Variants in ABCB1 observed in about 807,000 individuals in gnomAD.
The protein encoded by ABCB1 is ATP-dependent translocase ABCB1.
ABCB1 carries 69 observed loss-of-function variants against 142.0 expected under a neutral mutation model. The ratio of observed to expected loss-of-function variants is 0.49; its 90% CI spans 0.40 to 0.59. ABCB1 has a LOEUF of 0.59. Among genes scored for constraint, ABCB1 ranks in the 20% least tolerant of loss-of-function variants. The pLI, the probability that ABCB1 is intolerant of heterozygous loss-of-function variation, is 0.00. For synonymous variants in ABCB1, 532 were observed against 539.2 expected (o/e 0.99, Z 0.18); for missense variants, 1,326 against 1,554.7 (o/e 0.85, Z 2.47).
intron 1 of ABCB1, among the ~76,000 whole-genome samples, chr7:87,612,130 T>G (rs1012153518): frequency 5.9e-5 from 9 of 152,170 alleles, no homozygotes; most frequent in African/African-American, 2.2e-4. Flanking sequence ...AGGACTGATT[T>G]GTCTGAGCTC....
chr7:87,676,283 A>C lies in ABCB1; in HGVS notation c.-331+36878T>G, dbSNP rs191029451. Reference sequence around the variant, plus strand: ...TGCAAAGCAAAGGAAACAATCCACAAAATGAAAAGGCAACTTACAGAATGA... The same window carrying C: ...TGCAAAGCAAAGGAAACAATCCACACAATGAAAAGGCAACTTACAGAATGA... On this transcript the variant is annotated intron_variant, in intron 1 of 28. Transcript: ENST00000265724. Among the ~76,000 whole-genome samples, 874 of 152,282 alleles carry C rather than the reference A, an allele frequency of 5.7e-3. 40 individuals are homozygous for C. The highest frequency in any genetic ancestry group is 0.055 in the Admixed American group (838 of 15,300).
At chr7:87,519,523 T>C (rs1815399550) in intron 22 of ABCB1, 57 bp from the exon 23 acceptor site, 3 of 1,608,778 alleles carry the variant, frequency 1.9e-6, no homozygotes, top group Admixed American at 1.7e-5. Context: ...CCTTAAAATG[T>C]AACTTTTGAT....
At chr7:87,575,590 T>C (rs1391172253) in intron 4 of ABCB1, among the ~76,000 whole-genome samples, 1 of 152,138 alleles carries the variant, frequency 6.6e-6, no homozygotes, top group African/African-American at 2.4e-5. Flanking sequence ...TAAACTACTC[T>C]TCTTGTGCAG....
chr7:87,566,132 G>A lies in ABCB1; in HGVS notation c.640C>T (p.Leu214=). The A allele has an allele frequency of 6.2e-7, 1 of 1,614,160 alleles. No homozygotes were observed. The highest frequency in any genetic ancestry group is 1.1e-5 in the South Asian group (1 of 91,086). ...FIVGFTRGWK[L]TLVILAISPV... ...CTGATGGCCAAAATCACAAGGGTTA[G>A]CTTCCAACCACGTGTAAATCCTACT... Residue 214 remains leucine (L), a synonymous_variant, in exon 7 of 28, where the codon CTA becomes TTA. Transcript: ENST00000622132.
chr7:87,532,820 G>A (rs960084324), intron 20 of ABCB1, among the ~76,000 whole-genome samples: 2 of 151,982 alleles, frequency 1.3e-5, no homozygotes, highest in African/African-American at 2.4e-5. Context: ...ATTCTTTCTT[G>A]TACAAGATCC....
intron 21 of ABCB1, among the ~76,000 whole-genome samples, chr7:87,530,692 C>T (rs1367289794): frequency 6.6e-6 from 1 of 151,484 alleles, no homozygotes; most frequent in Non-Finnish European, 1.5e-5. Context: ...AATAAATACC[C>T]CTAGCATTTT....
At chr7:87,546,175 C>T (rs1816770279) in intron 14 of ABCB1, 151 bp from the exon 15 acceptor site, 3 of 695,342 alleles carry the variant, frequency 4.3e-6, no homozygotes, top group Admixed American at 5.4e-5. Context: ...AATGTATAGA[C>T]AATTGATAAT....
intron 9 of ABCB1, among the ~76,000 whole-genome samples, chr7:87,553,541 C>G (rs549126226): frequency 6.6e-6 from 1 of 151,944 alleles, no homozygotes; most frequent in Non-Finnish European, 1.5e-5. Context: ...AGGATGGTCT[C>G]GATCTCCTGA....
At chr7:87,649,093 C>T (rs565128239) in intron 1 of ABCB1, among the ~76,000 whole-genome samples, 1 of 152,068 alleles carries the variant, frequency 6.6e-6, no homozygotes, top group East Asian at 1.9e-4. Context: ...CTTCTTGATT[C>T]CCCACTGTCT....
intron 1 of ABCB1, among the ~76,000 whole-genome samples, chr7:87,712,281 G>C (rs1830158288): frequency 6.6e-6 from 1 of 152,020 alleles, no homozygotes; most frequent in Non-Finnish European, 1.5e-5. Context: ...TAAACAGTGA[G>C]ATGATGATAA....
intron 4 of ABCB1, among the ~76,000 whole-genome samples, chr7:87,579,547 C>T (rs1211859573): frequency 6.6e-6 from 1 of 152,146 alleles, no homozygotes; most frequent in Non-Finnish European, 1.5e-5. Context: ...CCTTGCATCC[C>T]TGGGATAAAC....
chr7:87,692,862 C>A (rs1563138406), intron 1 of ABCB1, among the ~76,000 whole-genome samples: 1 of 152,090 alleles, frequency 6.6e-6, no homozygotes, highest in Non-Finnish European at 1.5e-5. Context: ...AGTTATAGAT[C>A]CTTTTGGATA....
intron 1 of ABCB1, among the ~76,000 whole-genome samples, chr7:87,675,015 C>T (rs560520961): frequency 6.6e-6 from 1 of 152,348 alleles, no homozygotes; most frequent in African/African-American, 2.4e-5. Flanking sequence ...TTTCAGGCAT[C>T]TCTCCCTGCC....
chr7:87,695,721 A>G (rs1828441114), intron 1 of ABCB1, among the ~76,000 whole-genome samples: 1 of 152,096 alleles, frequency 6.6e-6, no homozygotes, highest in African/African-American at 2.4e-5. Context: ...TTTTTCTTGT[A>G]TTATGAAAAG....
At chr7:87,683,554 G>C (rs938148847) in intron 1 of ABCB1, among the ~76,000 whole-genome samples, 2 of 152,186 alleles carry the variant, frequency 1.3e-5, no homozygotes, top group African/African-American at 4.8e-5. Context: ...AGGAGAAAGA[G>C]AGAGATGGGA....
intron 4 of ABCB1, among the ~76,000 whole-genome samples, chr7:87,579,240 G>T (rs190954390): frequency 4.0e-5 from 6 of 151,516 alleles, no homozygotes; most frequent in Non-Finnish European, 5.9e-5. Flanking sequence ...GATTGCCCTC[G>T]CTAGGACTTT....
chr7:87,689,545 CTAATTAGCTAATTAT>C (rs1332590954), intron 1 of ABCB1, among the ~76,000 whole-genome samples: 3 of 152,080 alleles, frequency 2.0e-5, no homozygotes, highest in African/African-American at 4.8e-5. Context: ...TGCTAAATTA[CTAATTAGCTAATTAT>C]TAATTAGCTA....
chr7:87,563,659 T>G (rs1353934679), intron 7 of ABCB1, among the ~76,000 whole-genome samples: 1 of 152,030 alleles, frequency 6.6e-6, no homozygotes, highest in Non-Finnish European at 1.5e-5. Context: ...CTCAAAATAA[T>G]AAAAGCCATC....
In ABCB1 at chr7:87,519,443, A is replaced by G; in HGVS notation, c.2810T>C (p.Ile937Thr). ...PYRNSLRKAH[I>T]FGITFSFTQA... is the part of the protein sequence containing the mutation. ...GGTGAAGGAAAATGTAATTCCAAAG[A>G]TGTGTGCTTTCCTCAAAGAGTTTCT... The change falls in exon 23 of 28, where the codon ATC (isoleucine) becomes ACC (threonine). Residue 937 changes from isoleucine to threonine, a missense_variant. By Grantham distance (89) the Ile-to-Thr change is moderately conservative (BLOSUM62 -1). Coordinates refer to ENST00000622132, the MANE Select transcript of ABCB1 (RefSeq NM_001348946.2). 2.5e-6 allele frequency: 4 copies of G among 1,614,110 alleles called. No homozygotes were observed. The highest frequency in any genetic ancestry group is 3.4e-6 in the Non-Finnish European group (4 of 1,179,954).
Sources: gnomAD v4.1 joint callset for allele counts (sites outside exome capture counted in the v4.1 genomes callset) on GRCh38, gnomAD v4.1.1 for gene constraint, MANE v1.5 for transcripts, NCBI Gene and HGNC (gene_info 2026-07-23, HGNC 2026-07-21) for gene names.